DENND10: variants seen among roughly 807,000 people sequenced by gnomAD.
DENND10 encodes the protein DENN domain containing 10.
DENND10 carries 24 observed loss-of-function variants against 43.6 expected under a neutral mutation model. That is an observed-to-expected ratio of 0.55 (90% confidence interval 0.40 to 0.77). DENND10 has a LOEUF of 0.77. Ranked by LOEUF, DENND10 falls within the 30% of genes least tolerant of loss-of-function variation. The probability of loss-of-function intolerance (pLI) is 0.00; values close to 1 mark genes in which losing one functional copy is unlikely to be tolerated. For missense variants in DENND10, 303 were observed against 429.9 expected, an observed-to-expected ratio of 0.70 and a Z score of 2.61; for synonymous variants, 125 against 157.6, an observed-to-expected ratio of 0.79 and a Z score of 1.55.
At chr10:119,107,653 C>T (rs1844761966) in intron 1 of DENND10, among the ~76,000 whole-genome samples, 1 of 152,130 alleles carries the variant, frequency 6.6e-6, no homozygotes, top group African/African-American at 2.4e-5. Context: ...ATCCACTCGC[C>T]TTGGCCTCCC....
rs1846122056 is a variant in DENND10, at chr10:119,132,264, G to A, written c.803-251G>A. ...GGAAGAAAAATAAAAATTTTGGTCAGGTGGGTGTGAAGGGGAAATCTGGTT... is the reference window on the plus strand; with the variant it reads ...GGAAGAAAAATAAAAATTTTGGTCAAGTGGGTGTGAAGGGGAAATCTGGTT... On this transcript the variant is annotated intron_variant, in intron 7 of 8. Transcript: ENST00000361432. The surrounding 1 kb of genome is among the most constrained non-coding windows in gnomAD (Gnocchi z 4.2). Among the ~76,000 whole-genome samples, 1 of 152,206 alleles carries A rather than the reference G, an allele frequency of 6.6e-6. No individual in the cohort carries two copies. The highest frequency in any genetic ancestry group is 2.4e-5 in the African/African-American group (1 of 41,452).
Position 119,104,206 on chromosome 10 carries a change from G to A in DENND10, c.55+9G>A. The A allele has an allele frequency of 2.6e-6, 4 of 1,513,372 alleles. No homozygotes were observed. Among genetic ancestry groups the A allele is most frequent in the Non-Finnish European group, 2.7e-6 (3 of 1,131,786 alleles). The allele number at this position is 1,513,372 out of a possible 1,614,324, so 93.7% of individuals were successfully genotyped here. ...TGGAGTCGGGCTGATCGGTGAGGAC[G>A]TAGGCGCCCTGCCTGGAAGCCCGCA... On this transcript the variant is annotated intron_variant, in intron 1 of 8. Transcript: ENST00000361432.
At position 119,132,693 on chromosome 10, in the gene DENND10, A is replaced by G. The variant is rs1331821064; in HGVS notation, c.897+84A>G. ...GCGGCAGAGCTGTGCACATAAGCAGAGTGGGGGGCTGTGGTAGAGGCCAGC... is the reference window on the plus strand; with the variant it reads ...GCGGCAGAGCTGTGCACATAAGCAGGGTGGGGGGCTGTGGTAGAGGCCAGC... On this transcript the variant is annotated intron_variant, in intron 8 of 8. Coordinates refer to ENST00000361432, the MANE Select transcript of DENND10 (RefSeq NM_207009.4). This position sits in a 1 kb window ranked among gnomAD's most constrained non-coding sequence, Gnocchi z 4.2. 2 of 1,122,824 alleles carry G rather than the reference A, an allele frequency of 1.8e-6. No individual in the cohort carries two copies. Among genetic ancestry groups the G allele is most frequent in the East Asian group, 2.3e-5 (1 of 42,554 alleles). The allele number at this position is 1,122,824 out of a possible 1,614,324, so 69.6% of individuals were successfully genotyped here. A position where few individuals can be genotyped will look rare whatever the true frequency, so the allele number is the denominator to read the frequency against.
At position 119,136,973 on chromosome 10, in the gene DENND10, G is replaced by A. The variant is rs1041997973; in HGVS notation, c.*326G>A. On this transcript the variant is annotated 3_prime_UTR_variant, in exon 9 of 9. Coordinates refer to ENST00000361432, the MANE Select transcript of DENND10 (RefSeq NM_207009.4). Reference sequence around the variant, plus strand: ...AATGTGAAAGCCTTCATTATTACACGTTCCAGTTTGTCTCGCTGTGTAGGC... The same window carrying A: ...AATGTGAAAGCCTTCATTATTACACATTCCAGTTTGTCTCGCTGTGTAGGC... The A allele has an allele frequency of 1.8e-5, 4 of 225,832 alleles. No homozygotes were observed. Among genetic ancestry groups the A allele is most frequent in the Non-Finnish European group, 2.8e-5 (3 of 105,268 alleles). The allele number at this position is 225,832 out of a possible 1,614,324, so 14.0% of individuals were successfully genotyped here.
At chr10:119,114,929 C>A (rs1845174672) in intron 3 of DENND10, among the ~76,000 whole-genome samples, 1 of 151,992 alleles carries the variant, frequency 6.6e-6, no homozygotes, top group East Asian at 1.9e-4. Context: ...ACCACCACAC[C>A]TGGCTAATTT....
At chr10:119,108,193 C>A (rs570706486) in intron 2 of DENND10, 29 bp downstream of exon 2, 281 of 1,471,588 alleles carry the variant, frequency 1.9e-4, no homozygotes, top group African/African-American at 1.7e-3. Context: ...AAAAAAAAAA[C>A]CCCAAAATAG....
In DENND10 at chr10:119,132,701, G is replaced by A; in HGVS notation, c.897+92G>A. 9.4e-7 allele frequency: 1 copy of A among 1,058,910 alleles called. No homozygotes were observed. The highest frequency in any genetic ancestry group is 1.5e-6 in the Non-Finnish European group (1 of 677,036). The allele number at this position is 1,058,910 out of a possible 1,614,324, so 65.6% of individuals were successfully genotyped here. A position where few individuals can be genotyped will look rare whatever the true frequency, so the allele number is the denominator to read the frequency against. ...GCTGTGCACATAAGCAGAGTGGGGG[G>A]CTGTGGTAGAGGCCAGCGGGCAGGT... On this transcript the variant is annotated intron_variant, in intron 8 of 8. Coordinates refer to ENST00000361432, the MANE Select transcript of DENND10 (RefSeq NM_207009.4). The surrounding 1 kb of genome is among the most constrained non-coding windows in gnomAD (Gnocchi z 4.2).
At chr10:119,117,045 T>C (rs1304509369) in intron 3 of DENND10, among the ~76,000 whole-genome samples, 3 of 152,068 alleles carry the variant, frequency 2.0e-5, no homozygotes, top group Non-Finnish European at 4.4e-5. Flanking sequence ...AATACTACTT[T>C]CTACATGAAA....
chr10:119,127,338 T>C (rs1053016286), intron 6 of DENND10, among the ~76,000 whole-genome samples: 1 of 152,224 alleles, frequency 6.6e-6, no homozygotes, highest in African/African-American at 2.4e-5. Flanking sequence ...AGGACATTTA[T>C]TGAATAATCT....
Position 119,104,135 on chromosome 10 carries a change from G to A in DENND10, c.-8G>A, listed in dbSNP as rs897112712. ...GGCAGCCAGAGCTGCGCGCCGCGGC[G>A]GCGGAAGATGGCTGCGGCCGAGGTG... On this transcript the variant is annotated 5_prime_UTR_variant, in exon 1 of 9. Coordinates refer to ENST00000361432, the MANE Select transcript of DENND10 (RefSeq NM_207009.4). 29 of 1,508,854 alleles carry A rather than the reference G, an allele frequency of 1.9e-5. No homozygotes were observed. Among genetic ancestry groups the A allele is most frequent in the Non-Finnish European group, 2.2e-5 (25 of 1,129,438 alleles). 93.5% of individuals were successfully genotyped at this position (1,508,854 alleles called of 1,614,324 possible). A position where few individuals can be genotyped will look rare whatever the true frequency, so the allele number is the denominator to read the frequency against.
At chr10:119,121,987 CA>C (rs1845602077) in intron 5 of DENND10, among the ~76,000 whole-genome samples, 1 of 151,956 alleles carries the variant, frequency 6.6e-6, no homozygotes. Flanking sequence ...CTTGGGAGGG[CA>C]ACTTATTAGC....
At chr10:119,115,088 TG>T (rs1215368993) in intron 3 of DENND10, among the ~76,000 whole-genome samples, 1 of 152,048 alleles carries the variant, frequency 6.6e-6, no homozygotes, top group Non-Finnish European at 1.5e-5. Flanking sequence ...AGAAAGCTAA[TG>T]GCATTTTGGT....
rs776981242 is a variant in DENND10, at chr10:119,104,153, C to T, written c.11C>T (p.Ala4Val). 1.5e-5 allele frequency: 22 copies of T among 1,516,734 alleles called. No individual in the cohort carries two copies. The highest frequency in any genetic ancestry group is 2.2e-5 in the Admixed American group (1 of 44,784). The allele number at this position is 1,516,734 out of a possible 1,614,324, so 94.0% of individuals were successfully genotyped here. A position where few individuals can be genotyped will look rare whatever the true frequency, so the allele number is the denominator to read the frequency against. Residue 4 changes from alanine (A) to valine (V), a missense_variant, in exon 1 of 9, where the codon GCC becomes GTC. Coordinates refer to ENST00000361432, the MANE Select transcript of DENND10 (RefSeq NM_207009.4). ...CCGCGGCGGCGGAAGATGGCTGCGG[C>T]CGAGGTGGCGGACACTCAGCTGATG... MAA[A>V]EVADTQLMLG...
chr10:119,122,142 A>T (rs1357725456), intron 5 of DENND10, among the ~76,000 whole-genome samples: 1 of 152,036 alleles, frequency 6.6e-6, no homozygotes, highest in Non-Finnish European at 1.5e-5. Context: ...CCCCATCTCT[A>T]TAAAAAAATA....
At chr10:119,105,952 T>A (rs939446349) in intron 1 of DENND10, among the ~76,000 whole-genome samples, 34 of 152,034 alleles carry the variant, frequency 2.2e-4, no homozygotes, top group Non-Finnish European at 1.3e-4. Flanking sequence ...TCCTAGCACT[T>A]TGGGAGGCTG....
At chr10:119,115,301 G>A (rs1845195301) in intron 3 of DENND10, among the ~76,000 whole-genome samples, 1 of 149,676 alleles carries the variant, frequency 6.7e-6, no homozygotes, top group Admixed American at 6.7e-5. Context: ...TCCTGGGTTT[G>A]AATGTATTTT....
rs139716316 is a variant in DENND10 at position 119,117,651 on chromosome 10, G to C, written c.465G>C (p.Leu155=). The change falls in exon 4 of 9, where the codon CTG becomes CTC. Residue 155 remains leucine, a synonymous_variant. Transcript: ENST00000361432. ...SKDFDARKAY[L]AGSIKDIVSQ... ...ATTTTGATGCCCGAAAGGCCTACCT[G>C]GCTGGCTCCATCAAAGGTAAGAAGG... 1 of 1,613,886 alleles carries C rather than the reference G, an allele frequency of 6.2e-7. No homozygotes were observed. The highest frequency in any genetic ancestry group is 1.3e-5 in the African/African-American group (1 of 75,032).
At chr10:119,106,324 A>T (rs1844695495) in intron 1 of DENND10, among the ~76,000 whole-genome samples, 1 of 152,150 alleles carries the variant, frequency 6.6e-6, no homozygotes, top group East Asian at 1.9e-4. Flanking sequence ...TGGAATGGTA[A>T]TTCTGTTTTC....
At chr10:119,123,204 G>T (rs184984706) in intron 5 of DENND10, among the ~76,000 whole-genome samples, 28 of 152,316 alleles carry the variant, frequency 1.8e-4, no homozygotes, top group African/African-American at 6.5e-4. Flanking sequence ...CAGAGGTGGA[G>T]GTTGCAGTGA....
Sources: gnomAD v4.1 joint callset for allele counts (sites outside exome capture counted in the v4.1 genomes callset) on GRCh38, gnomAD v4.1.1 for gene constraint, Gnocchi (gnomAD v3.1) non-coding constraint, MANE v1.5 for transcripts, NCBI Gene and HGNC (gene_info 2026-07-23, HGNC 2026-07-21) for gene names.